Variants in MYO16 observed in about 807,000 individuals in gnomAD.
MYO16 encodes the protein unconventional myosin-XVI.
MYO16 carries 94 observed loss-of-function variants against 205.3 expected under a neutral mutation model. The ratio of observed to expected loss-of-function variants is 0.46; its 90% CI spans 0.39 to 0.54. The LOEUF (loss-of-function observed/expected upper bound fraction) is 0.54, where lower values mean the gene tolerates loss of function less well. MYO16 is among the 20% of genes least tolerant of loss of function. The pLI is 0.00. For synonymous variants in MYO16, 988 were observed against 954.0 expected, an observed-to-expected ratio of 1.04 and a Z score of -0.66; for missense variants, 2,315 against 2,387.5, an observed-to-expected ratio of 0.97 and a Z score of 0.63.
intron 33 of MYO16, among the ~76,000 whole-genome samples, chr13:109,172,318 G>T (rs1486337510): frequency 6.6e-6 from 1 of 152,200 alleles, no homozygotes; most frequent in African/African-American, 2.4e-5. Context: ...TCTATTTTAA[G>T]CAACAGAAGT....
chr13:109,180,959 C>T (rs1594164987), intron 34 of MYO16, among the ~76,000 whole-genome samples: 1 of 152,310 alleles, frequency 6.6e-6, no homozygotes, highest in East Asian at 1.9e-4. Flanking sequence ...GGCCATCTGA[C>T]ATCCTTTCCA....
chr13:108,765,335 CTATTA>C (rs1393216347), intron 4 of MYO16, among the ~76,000 whole-genome samples: 1 of 152,072 alleles, frequency 6.6e-6, no homozygotes, highest in Admixed American at 6.6e-5. Flanking sequence ...TTACACTATT[CTATTA>C]TGACAAAACT....
chr13:109,177,996 T>A (rs1879284942), intron 33 of MYO16, among the ~76,000 whole-genome samples: 1 of 152,164 alleles, frequency 6.6e-6, no homozygotes, highest in Non-Finnish European at 1.5e-5. Flanking sequence ...TTTATTCCCC[T>A]CTAAGAGGTG....
chr13:109,140,608 G>C lies in MYO16; in HGVS notation c.4396G>C (p.Gly1466Arg). 6.6e-7 allele frequency: 1 copy of C among 1,518,998 alleles called. No homozygotes were observed. The highest frequency in any genetic ancestry group is 8.8e-7 in the Non-Finnish European group (1 of 1,139,208). 94.1% of individuals were successfully genotyped at this position (1,518,998 alleles called of 1,614,324 possible). The change falls in exon 32 of 35, where the codon GGC (glycine) becomes CGC (arginine). Residue 1466 changes from glycine (G) to arginine (R), a missense_variant. By Grantham distance (125) the Gly-to-Arg change is moderately radical (BLOSUM62 -2). Transcript: ENST00000457511. The surrounding 1 kb of genome is among the most constrained non-coding windows in gnomAD (Gnocchi z 8.0). ...EMKCCLPDDGGPGAGSFLLHG... is the reference protein window; with the variant it reads ...EMKCCLPDDGRPGAGSFLLHG... ...GAAGTGTTGCCTGCCCGACGACGGC[G>C]GCCCGGGCGCGGGCTCCTTCCTGCT...
intron 19 of MYO16, among the ~76,000 whole-genome samples, chr13:108,963,223 C>T (rs1218015153): frequency 6.6e-6 from 1 of 152,196 alleles, no homozygotes; most frequent in African/African-American, 2.4e-5. Context: ...TTCATCTAAT[C>T]TTTTTTCTCT....
At chr13:109,092,159 C>T (rs181945011) in intron 27 of MYO16, among the ~76,000 whole-genome samples, 30 of 152,174 alleles carry the variant, frequency 2.0e-4, no homozygotes, top group Non-Finnish European at 2.4e-4. Context: ...GAGAATGAAG[C>T]GGTAAAGCCA....
intron 20 of MYO16, among the ~76,000 whole-genome samples, chr13:108,967,451 G>A (rs948744181): frequency 2.0e-5 from 3 of 152,174 alleles, no homozygotes; most frequent in Non-Finnish European, 2.9e-5. Flanking sequence ...TAATTAAAAT[G>A]AGCAGAAGTG....
intron 32 of MYO16, among the ~76,000 whole-genome samples, chr13:109,154,515 A>G (rs1410044711): frequency 2.0e-5 from 3 of 152,078 alleles, no homozygotes; most frequent in African/African-American, 7.2e-5. Context: ...CCACTGCTGT[A>G]ATTTTTCTTT....
At chr13:108,807,555 C>T (rs1887153284) in intron 7 of MYO16, among the ~76,000 whole-genome samples, 1 of 152,052 alleles carries the variant, frequency 6.6e-6, no homozygotes, top group Non-Finnish European at 1.5e-5. Flanking sequence ...TGGTCTGTTC[C>T]AGCTTTTTAT....
chr13:108,510,425 AT>A, the MYO16 span, among the ~76,000 whole-genome samples: 28 of 97,088 alleles, frequency 2.9e-4, no homozygotes, highest in South Asian at 7.8e-4. Context: ...TAGATAGTTA[AT>A]TTTTTTTTTT....
At chr13:108,563,184 T>A in the MYO16 span, among the ~76,000 whole-genome samples, 1 of 152,188 alleles carries the variant, frequency 6.6e-6, no homozygotes, top group Non-Finnish European at 1.5e-5. Context: ...AATATAAGTA[T>A]TTTAAAAATT....
At chr13:109,007,664 A>G (rs984235185) in intron 21 of MYO16, among the ~76,000 whole-genome samples, 5 of 151,420 alleles carry the variant, frequency 3.3e-5, no homozygotes, top group Non-Finnish European at 5.9e-5. Context: ...GATTTGAGTT[A>G]TGGTATAGTT....
At chr13:108,668,868 A>G (rs1881859680) in intron 2 of MYO16, among the ~76,000 whole-genome samples, 1 of 152,078 alleles carries the variant, frequency 6.6e-6, no homozygotes, top group South Asian at 2.1e-4. Flanking sequence ...CCAGAGGGTG[A>G]AATCGGGACA....
intron 1 of MYO16, among the ~76,000 whole-genome samples, chr13:108,663,234 T>C (rs1416332708): frequency 6.6e-6 from 1 of 152,146 alleles, no homozygotes; most frequent in Non-Finnish European, 1.5e-5. Context: ...TGCTGCTCTG[T>C]CCGCAGCTGC....
At chr13:109,013,465 C>T (rs9559457) in intron 22 of MYO16, among the ~76,000 whole-genome samples, 59,957 of 151,914 alleles carry the variant, frequency 0.39, 12,133 homozygotes, top group East Asian at 0.66. Flanking sequence ...GTTTATAATC[C>T]TTTGGGTATA....
the MYO16 span, among the ~76,000 whole-genome samples, chr13:108,547,530 G>A: frequency 1.3e-5 from 2 of 152,104 alleles, no homozygotes; most frequent in African/African-American, 4.8e-5. Context: ...TTGACAGCCA[G>A]CGCACACCAC....
intron 16 of MYO16, among the ~76,000 whole-genome samples, chr13:108,946,404 A>G (rs1335874595): frequency 1.3e-5 from 2 of 152,184 alleles, no homozygotes; most frequent in African/African-American, 2.4e-5. Context: ...CCAGCTATGT[A>G]TGGCACTTCC....
intron 12 of MYO16, among the ~76,000 whole-genome samples, chr13:108,875,800 G>T (rs1207030804): frequency 1.3e-5 from 2 of 151,506 alleles, no homozygotes; most frequent in African/African-American, 4.8e-5. Flanking sequence ...CTTGACCCCA[G>T]GGGGTGGAGT....
intron 34 of MYO16, among the ~76,000 whole-genome samples, chr13:109,189,296 AACACCCTCACAGAC>A (rs1321606425): frequency 2.0e-5 from 3 of 152,212 alleles, no homozygotes; most frequent in Non-Finnish European, 4.4e-5. Flanking sequence ...CTCTTTTGGC[AACACCCTCACAGAC>A]ACACCCAGGA....
Sources: allele counts gnomAD v4.1 joint callset (sites outside exome capture counted in the v4.1 genomes callset), GRCh38; gene constraint gnomAD v4.1.1; non-coding constraint Gnocchi (gnomAD v3.1); transcripts MANE v1.5; gene names NCBI Gene and HGNC (gene_info 2026-07-23, HGNC 2026-07-21).